The following CSMD1 variants were observed in gnomAD, a reference collection of about 807,000 sequenced individuals.
The protein encoded by CSMD1 is CUB and sushi domain-containing protein 1.
Under a neutral mutation model 417.5 loss-of-function variants are expected in CSMD1, and 213 were observed. The ratio of observed to expected loss-of-function variants is 0.51; its 90% CI spans 0.46 to 0.57. The LOEUF (loss-of-function observed/expected upper bound fraction) is 0.57. Among genes scored for constraint, CSMD1 ranks in the 20% least tolerant of loss-of-function variants. The probability of loss-of-function intolerance (pLI) is 0.00; values close to 1 mark genes in which losing one functional copy is unlikely to be tolerated. For synonymous variants in CSMD1, 2,862 were observed against 1,736.8 expected (o/e 1.65, Z -16.11); for missense variants, 6,923 against 4,529.7 (o/e 1.53, Z -15.17).
At chr8:4,444,855 G>T (rs1445796594) in intron 2 of CSMD1, among the ~76,000 whole-genome samples, 1 of 152,144 alleles carries the variant, frequency 6.6e-6, no homozygotes, top group Non-Finnish European at 1.5e-5. Flanking sequence ...CAACCCAGAG[G>T]ACTCCTGCTG....
rs184594085 is a variant in CSMD1, at chr8:4,784,423, G to C, written c.86-146865C>G. Among the ~76,000 whole-genome samples, 4 of 152,232 alleles carry C rather than the reference G, an allele frequency of 2.6e-5. No homozygotes were observed. In the East Asian group the frequency reaches 5.8e-4, roughly 22 times the overall value. ...ACAAAGGGAAGAACAAACTCATATG[G>C]ATTTTTTAAAATTTTGAACCCGTGA... On this transcript the variant is annotated intron_variant, in intron 1 of 69. Coordinates refer to ENST00000635120, the MANE Select transcript of CSMD1 (RefSeq NM_033225.6).
chr8:4,370,053 G>C (rs1470249298), intron 3 of CSMD1, among the ~76,000 whole-genome samples: 2 of 151,946 alleles, frequency 1.3e-5, no homozygotes, highest in Non-Finnish European at 2.9e-5. Flanking sequence ...AATGAGGTAT[G>C]TGCTTCAGTG....
At chr8:3,566,359 G>C (rs1490799817) in intron 10 of CSMD1, among the ~76,000 whole-genome samples, 1 of 152,084 alleles carries the variant, frequency 6.6e-6, no homozygotes, top group African/African-American at 2.4e-5. Context: ...AAAATTTAAA[G>C]GTGGATAGAG....
At chr8:3,965,881 T>C (rs1011404665) in intron 5 of CSMD1, among the ~76,000 whole-genome samples, 1 of 152,182 alleles carries the variant, frequency 6.6e-6, no homozygotes, top group African/African-American at 2.4e-5. Context: ...CCTTTTGAAG[T>C]GCTAGGACTA....
chr8:4,448,540 T>G (rs777766426), intron 2 of CSMD1, among the ~76,000 whole-genome samples: 44 of 152,212 alleles, frequency 2.9e-4, no homozygotes, highest in Non-Finnish European at 6.2e-4. Flanking sequence ...ACATAAATCA[T>G]GGGAACATCC....
intron 2 of CSMD1, among the ~76,000 whole-genome samples, chr8:4,612,197 G>A (rs1347510685): frequency 6.6e-6 from 1 of 152,106 alleles, no homozygotes; most frequent in African/African-American, 2.4e-5. Context: ...AAAACTGGCT[G>A]CAGGCACACT....
intron 3 of CSMD1, among the ~76,000 whole-genome samples, chr8:4,093,855 G>A (rs1339926713): frequency 1.3e-5 from 2 of 152,092 alleles, no homozygotes; most frequent in Non-Finnish European, 2.9e-5. Context: ...CAGCAATCGG[G>A]AGGCTGAGGC....
intron 1 of CSMD1, among the ~76,000 whole-genome samples, chr8:4,824,606 T>G (rs1799710240): frequency 6.6e-6 from 1 of 152,290 alleles, no homozygotes; most frequent in South Asian, 2.1e-4. Context: ...AGGAATTAGT[T>G]GATGAGGTCT....
intron 3 of CSMD1, among the ~76,000 whole-genome samples, chr8:4,032,495 A>G (rs1299210947): frequency 6.6e-6 from 1 of 152,200 alleles, no homozygotes; most frequent in African/African-American, 2.4e-5. Context: ...GGCATAAGAA[A>G]TACTGCAAGA....
intron 2 of CSMD1, among the ~76,000 whole-genome samples, chr8:4,490,258 T>A (rs1801634671): frequency 6.6e-6 from 1 of 152,102 alleles, no homozygotes; most frequent in East Asian, 1.9e-4. Context: ...GCCAGGTTGA[T>A]CTTGAACTGC....
chr8:3,116,078 C>T (rs950637578), intron 42 of CSMD1, among the ~76,000 whole-genome samples: 6 of 152,142 alleles, frequency 3.9e-5, no homozygotes, highest in South Asian at 2.1e-4. Context: ...GAACAGCCTC[C>T]GCATTCTTAT....
At chr8:3,242,883 G>T (rs926436766) in intron 26 of CSMD1, among the ~76,000 whole-genome samples, 30 of 152,140 alleles carry the variant, frequency 2.0e-4, no homozygotes, top group African/African-American at 6.7e-4. Flanking sequence ...AGAGATAAGA[G>T]GTTGGGGCGT....
At chr8:3,685,656 G>C (rs2129030631) in intron 7 of CSMD1, among the ~76,000 whole-genome samples, 1 of 152,270 alleles carries the variant, frequency 6.6e-6, no homozygotes, top group East Asian at 1.9e-4. Flanking sequence ...AGGCCTGGGG[G>C]TGCTTTTCTG....
intron 7 of CSMD1, among the ~76,000 whole-genome samples, chr8:3,631,665 G>T (rs1000285943): frequency 1.3e-5 from 2 of 152,206 alleles, no homozygotes; most frequent in African/African-American, 4.8e-5. Flanking sequence ...AGCTCAGGTG[G>T]AATAATGGAA....
intron 2 of CSMD1, among the ~76,000 whole-genome samples, chr8:4,575,563 G>A (rs921952507): frequency 6.6e-6 from 1 of 152,158 alleles, no homozygotes; most frequent in Admixed American, 6.5e-5. Context: ...AACTCACTTT[G>A]AGACAGAAAG....
rs1257864511 is a variant in CSMD1, at chr8:3,845,200, G to A, written c.819-91158C>T. On this transcript the variant is annotated intron_variant, in intron 5 of 69. Coordinates refer to ENST00000635120, the MANE Select transcript of CSMD1 (RefSeq NM_033225.6). Reference sequence around the variant, plus strand: ...AAACACATACCGTTAGGAAAATAGTGCAACTATGCATCTCCTAACAATGGA... The same window carrying A: ...AAACACATACCGTTAGGAAAATAGTACAACTATGCATCTCCTAACAATGGA... Among the ~76,000 whole-genome samples the A allele has an allele frequency of 2.0e-5, 3 of 152,210 alleles. No homozygotes were observed. In the East Asian group the frequency reaches 5.8e-4, roughly 29 times the overall value.
chr8:3,594,222 C>T (rs769614901), intron 8 of CSMD1, among the ~76,000 whole-genome samples: 17 of 152,126 alleles, frequency 1.1e-4, no homozygotes, highest in African/African-American at 4.1e-4. Context: ...ATGAGGCGAG[C>T]CCTGGACCGT....
chr8:3,734,679 C>A (rs1238972752), intron 6 of CSMD1, among the ~76,000 whole-genome samples: 1 of 152,192 alleles, frequency 6.6e-6, no homozygotes, highest in South Asian at 2.1e-4. Flanking sequence ...CCACTGCACT[C>A]CAGCATGGGT....
rs776427096 is a variant in CSMD1, at chr8:3,118,556, G to A, written c.6273C>T (p.Pro2091=). ...AYELQNCPDP[P]PFQNGYMINS... ...TGATCATGTACCCATTCTGAAATGG[G>A]GGTGGATCTGGACAGTTCTGTAATT... is the stretch of plus-strand genomic sequence containing the variant. The change falls in exon 42 of 70, where the codon CCC becomes CCT. Residue 2091 remains proline, a synonymous_variant. Coordinates refer to ENST00000635120, the MANE Select transcript of CSMD1 (RefSeq NM_033225.6). The A allele has an allele frequency of 8.1e-6, 13 of 1,613,794 alleles. No individual in the cohort carries two copies. The highest frequency in any genetic ancestry group is 5.0e-5 in the Admixed American group (3 of 60,002).
Sources: gnomAD v4.1 joint callset for allele counts (sites outside exome capture counted in the v4.1 genomes callset) on GRCh38, gnomAD v4.1.1 for gene constraint, MANE v1.5 for transcripts, NCBI Gene and HGNC (gene_info 2026-07-23, HGNC 2026-07-21) for gene names.